MAN1A2: variants seen among roughly 807,000 people sequenced by gnomAD.
MAN1A2 encodes the protein mannosyl-oligosaccharide 1,2-alpha-mannosidase IB.
MAN1A2 carries 26 observed loss-of-function variants against 75.7 expected under a neutral mutation model. That is an observed-to-expected ratio of 0.34 (90% CI 0.25 to 0.48). The LOEUF is 0.48. Among genes scored for constraint, MAN1A2 ranks in the 20% least tolerant of loss-of-function variants. The pLI is 0.99. For synonymous variants in MAN1A2, 247 were observed against 264.6 expected (o/e 0.93, Z 0.65); for missense variants, 562 against 775.5 (o/e 0.72, Z 3.27).
At chr1:117,521,054 A>G (rs1428284855) in intron 12 of MAN1A2, among the ~76,000 whole-genome samples, 1 of 151,888 alleles carries the variant, frequency 6.6e-6, no homozygotes, top group Non-Finnish European at 1.5e-5. Flanking sequence ...GCAAACAAAC[A>G]AAGTGGGGTA....
chr1:117,389,934 A>G (rs1033844319), intron 1 of MAN1A2, among the ~76,000 whole-genome samples: 6 of 152,096 alleles, frequency 3.9e-5, no homozygotes, highest in African/African-American at 1.4e-4. Context: ...ATTTGGTCAA[A>G]TACTTTTTCT....
intron 10 of MAN1A2, among the ~76,000 whole-genome samples, chr1:117,498,754 A>G (rs961055859): frequency 6.6e-6 from 1 of 151,912 alleles, no homozygotes; most frequent in East Asian, 1.9e-4. Flanking sequence ...TTAATTAAAA[A>G]GTACAATCCT....
chr1:117,496,332 T>G (rs1009945225), intron 9 of MAN1A2, among the ~76,000 whole-genome samples: 9 of 152,018 alleles, frequency 5.9e-5, no homozygotes, highest in African/African-American at 2.2e-4. Flanking sequence ...ATTGTTATAC[T>G]CTGATATACT....
chr1:117,429,601 C>G (rs1185945670), intron 5 of MAN1A2, among the ~76,000 whole-genome samples: 1 of 114,952 alleles, frequency 8.7e-6, no homozygotes, highest in Admixed American at 7.9e-5. Context: ...CACCTCCCTC[C>G]CGGATGGGGC....
intron 5 of MAN1A2, among the ~76,000 whole-genome samples, chr1:117,422,894 G>T (rs1557943628): frequency 6.6e-6 from 1 of 151,972 alleles, no homozygotes; most frequent in Non-Finnish European, 1.5e-5. Context: ...ATCTTTTGAA[G>T]AATTGATGTT....
Position 117,527,576 on chromosome 1 carries a change from A to G in MAN1A2, c.*4619A>G, listed in dbSNP as rs890854863. 6 of 152,078 alleles carry G rather than the reference A, an allele frequency of 3.9e-5. No homozygotes were observed. Among genetic ancestry groups the G allele is most frequent in the Admixed American group, 6.6e-5 (1 of 15,240 alleles). 9.4% of individuals were successfully genotyped at this position (152,078 alleles called of 1,614,324 possible). A position where few individuals can be genotyped will look rare whatever the true frequency, so the allele number is the denominator to read the frequency against. On this transcript the variant is annotated 3_prime_UTR_variant, in exon 13 of 13. Transcript: ENST00000356554. ...TGTTCAGGTTTCAGGACGATTGACT[A>G]TAATGAAAGAGACAGAATAGGGTAA...
At chr1:117,377,521 G>A (rs779539098) in intron 1 of MAN1A2, among the ~76,000 whole-genome samples, 13 of 152,274 alleles carry the variant, frequency 8.5e-5, no homozygotes, top group African/African-American at 2.4e-4. Context: ...TCACAAATCC[G>A]TGTGAAACTG....
At chr1:117,410,722 C>A (rs1008278218) in intron 3 of MAN1A2, among the ~76,000 whole-genome samples, 5 of 149,726 alleles carry the variant, frequency 3.3e-5, no homozygotes, top group African/African-American at 1.2e-4. Flanking sequence ...AGGGAATGTA[C>A]CCAAAAAAGG....
At chr1:117,390,782 T>C (rs991075792) in intron 1 of MAN1A2, among the ~76,000 whole-genome samples, 4 of 152,060 alleles carry the variant, frequency 2.6e-5, no homozygotes, top group South Asian at 2.1e-4. Context: ...TCTTTTTTTT[T>C]CTTCATATTG....
At chr1:117,494,547 A>C (rs1650981315) in intron 9 of MAN1A2, 1 of 152,006 alleles carries the variant, frequency 6.6e-6, no homozygotes, top group Admixed American at 6.6e-5. Context: ...ATAATTTGTT[A>C]CAATTGTTTT....
intron 6 of MAN1A2, among the ~76,000 whole-genome samples, chr1:117,452,579 C>A (rs1049945484): frequency 6.6e-6 from 1 of 152,192 alleles, no homozygotes; most frequent in Non-Finnish European, 1.5e-5. Context: ...TTCTCTTAAG[C>A]CAAAGCCTAA....
rs544937755 is a variant in MAN1A2 at position 117,410,273 on chromosome 1, T to C, written c.656-4440T>C. Among the ~76,000 whole-genome samples, 3 of 152,090 alleles carry C rather than the reference T, an allele frequency of 2.0e-5. 1 individual carries two copies. The South Asian group carries it at 6.2e-4, about 32-fold the overall frequency. On this transcript the variant is annotated intron_variant, in intron 3 of 12. Coordinates refer to ENST00000356554, the MANE Select transcript of MAN1A2 (RefSeq NM_006699.5). The stretch of plus-strand genomic sequence containing the variant: ...TATCATAGAGATACGTGGTAGGTTT[T>C]ACATTTGGAAATTAGCTAGTGTAGT...
rs772048225 is a variant in MAN1A2 at position 117,420,669 on chromosome 1, G to A, written c.855+20G>A. On this transcript the variant is annotated intron_variant, in intron 5 of 12. Coordinates refer to ENST00000356554, the MANE Select transcript of MAN1A2 (RefSeq NM_006699.5). The stretch of plus-strand genomic sequence containing the variant: ...GAGGAGGTGAGCAAAATCAAGCAAT[G>A]CATTGTTTGTTTTGGAGGGGAGGGT... The A allele has an allele frequency of 2.6e-6, 4 of 1,562,508 alleles. No homozygotes were observed. Among genetic ancestry groups the A allele is most frequent in the Non-Finnish European group, 3.5e-6 (4 of 1,134,206 alleles).
chr1:117,398,228 C>T (rs1441339595), intron 1 of MAN1A2, among the ~76,000 whole-genome samples: 2 of 152,092 alleles, frequency 1.3e-5, no homozygotes, highest in African/African-American at 4.8e-5. Flanking sequence ...ATGGTGCCAT[C>T]AGACTGTATA....
chr1:117,372,563 C>T (rs1652997512), intron 1 of MAN1A2, among the ~76,000 whole-genome samples: 1 of 152,062 alleles, frequency 6.6e-6, no homozygotes, highest in Admixed American at 6.5e-5. Context: ...ACTGTAGATA[C>T]ACTTTATAGA....
chr1:117,457,076 A>T (rs951306001), intron 6 of MAN1A2, among the ~76,000 whole-genome samples: 11 of 152,248 alleles, frequency 7.2e-5, no homozygotes, highest in East Asian at 1.9e-4. Context: ...CAATACATTG[A>T]TTAAATATAT....
At chr1:117,501,055 A>G (rs1651185724) in intron 11 of MAN1A2, among the ~76,000 whole-genome samples, 1 of 151,800 alleles carries the variant, frequency 6.6e-6, no homozygotes, top group Non-Finnish European at 1.5e-5. Flanking sequence ...TCATTGAGGA[A>G]TACTTTAGGA....
chr1:117,485,108 G>C (rs1650630137), intron 8 of MAN1A2, among the ~76,000 whole-genome samples: 1 of 151,944 alleles, frequency 6.6e-6, no homozygotes, highest in Non-Finnish European at 1.5e-5. Context: ...GAATAACAAA[G>C]TGGTTATAAA....
Position 117,420,603 on chromosome 1 carries a change from G to T in MAN1A2, c.809G>T (p.Arg270Leu). The change falls in exon 5 of 13, where the codon CGA (arginine) becomes CTA (leucine). Residue 270 changes from arginine (R) to leucine (L), a missense_variant. Physicochemically the swap from Arg to Leu is moderately radical, Grantham distance 102. Coordinates refer to ENST00000356554, the MANE Select transcript of MAN1A2 (RefSeq NM_006699.5). ...GTGTCTGTGTTTGAAGTCAACATTCGATTTATTGGAGGCCTACTTGCAGCA... is the reference window on the plus strand; with the variant it reads ...GTGTCTGTGTTTGAAGTCAACATTCTATTTATTGGAGGCCTACTTGCAGCA... ...SEVSVFEVNI[R>L]FIGGLLAAYY... 6.2e-7 allele frequency: 1 copy of T among 1,612,882 alleles called. No individual in the cohort carries two copies. The highest frequency in any genetic ancestry group is 8.5e-7 in the Non-Finnish European group (1 of 1,179,218).
Sources: gnomAD v4.1 joint callset for allele counts (sites outside exome capture counted in the v4.1 genomes callset) on GRCh38, gnomAD v4.1.1 for gene constraint, MANE v1.5 for transcripts, NCBI Gene and HGNC (gene_info 2026-07-23, HGNC 2026-07-21) for gene names.